The following NR2C2 variants were observed in gnomAD, a reference collection of about 807,000 sequenced individuals.
NR2C2 encodes the protein nuclear receptor subfamily 2 group C member 2.
A neutral mutation model predicts 62.9 loss-of-function variants in NR2C2; 6 were observed. The ratio of observed to expected loss-of-function variants is 0.10; its 90% CI spans 0.05 to 0.19. The LOEUF (loss-of-function observed/expected upper bound fraction) is 0.19. NR2C2 is among the 10% of genes least tolerant of loss of function. The pLI is 1.00. For synonymous variants in NR2C2, 272 were observed against 273.8 expected (o/e 0.99, Z 0.07); for missense variants, 479 against 762.7 (o/e 0.63, Z 4.38).
At chr3:14,972,834 T>TG (rs1261906854) in intron 1 of NR2C2, among the ~76,000 whole-genome samples, 2 of 150,784 alleles carry the variant, frequency 1.3e-5, no homozygotes, top group African/African-American at 4.9e-5. Flanking sequence ...ACCAAGAGAG[T>TG]GGGGGGAGGT....
chr3:15,011,128 A>G (rs2041340421), intron 2 of NR2C2, among the ~76,000 whole-genome samples: 1 of 152,278 alleles, frequency 6.6e-6, no homozygotes, highest in South Asian at 2.1e-4. Context: ...TGAGCCCAGG[A>G]ATTTGAGGTC....
chr3:15,038,969 G>C (rs1275777770), intron 12 of NR2C2, 153 bp from the exon 13 acceptor site: 4 of 630,884 alleles, frequency 6.3e-6, no homozygotes, highest in East Asian at 2.8e-5. Flanking sequence ...GGAAAAGCCA[G>C]TGTTCTAATA....
intron 2 of NR2C2, 132 bp downstream of exon 2, chr3:15,004,118 A>T (rs2041100093): frequency 4.5e-6 from 3 of 660,572 alleles, no homozygotes; most frequent in Non-Finnish European, 7.3e-6. Flanking sequence ...TCAATTCTTT[A>T]AAAAAAATAA....
intron 3 of NR2C2, among the ~76,000 whole-genome samples, chr3:15,014,568 T>A (rs1214735631): frequency 6.6e-6 from 1 of 152,164 alleles, no homozygotes; most frequent in East Asian, 1.9e-4. Flanking sequence ...TAGATTTACA[T>A]TGTTGTACCA....
At chr3:14,988,733 CTTGA>C (rs1043670371) in intron 1 of NR2C2, among the ~76,000 whole-genome samples, 13 of 152,070 alleles carry the variant, frequency 8.5e-5, no homozygotes, top group African/African-American at 1.4e-4. Context: ...TTTTTCCCCT[CTTGA>C]TTAATTTTTT....
At chr3:15,033,885 C>T (rs1187505591) in intron 10 of NR2C2, among the ~76,000 whole-genome samples, 2 of 152,048 alleles carry the variant, frequency 1.3e-5, no homozygotes, top group African/African-American at 4.8e-5. Context: ...AGTTAGTGTT[C>T]AGGGCAGTGA....
chr3:15,019,772 T>G (rs1391315870), intron 4 of NR2C2, among the ~76,000 whole-genome samples: 2 of 151,952 alleles, frequency 1.3e-5, no homozygotes, highest in African/African-American at 2.4e-5. Flanking sequence ...AAGTGAGAGA[T>G]AGTTGGGAAA....
intron 1 of NR2C2, among the ~76,000 whole-genome samples, chr3:14,997,770 A>ATAATATTGATTTTAT (rs2040873864): frequency 6.6e-6 from 1 of 152,210 alleles, no homozygotes; most frequent in Non-Finnish European, 1.5e-5. Context: ...GAATTAATTG[A>ATAATATTGATTTTAT]TAATATTTTA....
At chr3:15,023,051 C>G (rs2041721536) in intron 5 of NR2C2, 149 bp from the exon 6 acceptor site, 2 of 825,162 alleles carry the variant, frequency 2.4e-6, no homozygotes, top group Admixed American at 5.6e-5. Context: ...TTCCTTCTCT[C>G]TGGCCGAAAA....
At chr3:14,950,893 C>A (rs1036415615) in intron 1 of NR2C2, among the ~76,000 whole-genome samples, 2 of 152,182 alleles carry the variant, frequency 1.3e-5, no homozygotes, top group African/African-American at 4.8e-5. Context: ...GCACTGCCAG[C>A]AATAATAAGC....
intron 1 of NR2C2, among the ~76,000 whole-genome samples, chr3:14,998,579 T>G (rs2040897122): frequency 6.6e-6 from 1 of 152,236 alleles, no homozygotes; most frequent in South Asian, 2.1e-4. Flanking sequence ...GAAATTTCTG[T>G]TTAACTCTTT....
At chr3:15,024,247 T>C (rs2041759877) in intron 7 of NR2C2, 39 bp downstream of exon 7, 1 of 1,407,984 alleles carries the variant, frequency 7.1e-7, no homozygotes, top group African/African-American at 1.5e-5. Flanking sequence ...ATCCTTTATG[T>C]TGACATTGCA....
intron 5 of NR2C2, 115 bp from the exon 6 acceptor site, chr3:15,023,085 A>C: frequency 8.7e-7 from 1 of 1,155,874 alleles, no homozygotes; most frequent in Non-Finnish European, 1.2e-6. Context: ...GCTGAGCTAG[A>C]TGAACCTAGC....
chr3:15,029,840 GAT>G (rs757871550), intron 8 of NR2C2, among the ~76,000 whole-genome samples: 2,175 of 121,006 alleles, frequency 0.018, 61 homozygotes, highest in African/African-American at 0.061. Flanking sequence ...TAGATAGATA[GAT>G]ATAGATAGAC....
chr3:15,036,634 G>A (rs564350500), intron 11 of NR2C2, among the ~76,000 whole-genome samples: 2 of 152,244 alleles, frequency 1.3e-5, no homozygotes, highest in South Asian at 4.1e-4. Flanking sequence ...GGACTTACAG[G>A]CATGTGCCAT....
At chr3:15,003,631 A>G (rs949529063) in intron 1 of NR2C2, among the ~76,000 whole-genome samples, 5 of 152,128 alleles carry the variant, frequency 3.3e-5, no homozygotes, top group Non-Finnish European at 7.4e-5. Context: ...CACAACTGCA[A>G]ATTCCTTTGG....
At chr3:14,966,010 T>C (rs1426845868) in intron 1 of NR2C2, among the ~76,000 whole-genome samples, 1 of 152,166 alleles carries the variant, frequency 6.6e-6, no homozygotes, top group East Asian at 1.9e-4. Flanking sequence ...TTTGTGTCCT[T>C]TGAATTTTTG....
chr3:15,041,016 G>C (rs768011022), intron 13 of NR2C2, among the ~76,000 whole-genome samples: 3 of 152,174 alleles, frequency 2.0e-5, no homozygotes, highest in Admixed American at 2.0e-4. Context: ...CAATGTGTCT[G>C]AAAACATCAT....
At chr3:14,955,170 A>G (rs2039486305) in intron 1 of NR2C2, among the ~76,000 whole-genome samples, 1 of 152,140 alleles carries the variant, frequency 6.6e-6, no homozygotes, top group African/African-American at 2.4e-5. Context: ...TAGTTAAGTA[A>G]AAAGTTTTAC....
Sources: gnomAD v4.1 joint callset for allele counts (sites outside exome capture counted in the v4.1 genomes callset) on GRCh38, gnomAD v4.1.1 for gene constraint, MANE v1.5 for transcripts, NCBI Gene and HGNC (gene_info 2026-07-23, HGNC 2026-07-21) for gene names.